LRP1B: variants seen among roughly 807,000 people sequenced by gnomAD.
LRP1B encodes the protein low-density lipoprotein receptor-related protein 1B.
Under a neutral mutation model 556.6 loss-of-function variants are expected in LRP1B, and 217 were observed. The observed-to-expected ratio is 0.39, with a 90% CI of 0.35 to 0.44. The LOEUF is 0.44. Ranked by LOEUF, LRP1B falls within the 20% of genes least tolerant of loss-of-function variation. The probability of loss-of-function intolerance (pLI) is 1.00; values close to 1 mark genes in which losing one functional copy is unlikely to be tolerated. For synonymous variants in LRP1B, 2,047 were observed against 1,865.8 expected, an observed-to-expected ratio of 1.10 and a Z score of -2.50; for missense variants, 5,053 against 5,620.8, an observed-to-expected ratio of 0.90 and a Z score of 3.23.
At chr2:141,069,176 C>A (rs966426602) in intron 7 of LRP1B, among the ~76,000 whole-genome samples, 20 of 152,002 alleles carry the variant, frequency 1.3e-4, no homozygotes, top group Non-Finnish European at 2.2e-4. Context: ...CCCCACTTCA[C>A]CCCAGTACTA....
chr2:141,395,670 A>G (rs1348122204), intron 3 of LRP1B, among the ~76,000 whole-genome samples: 3 of 152,136 alleles, frequency 2.0e-5, no homozygotes, highest in African/African-American at 7.2e-5. Context: ...TTAAAACCCA[A>G]TTACAAATTT....
At position 140,716,807 on chromosome 2, in the gene LRP1B, G is replaced by A. The variant is rs2105464678; in HGVS notation, c.5768C>T (p.Thr1923Ile). The change falls in exon 36 of 91, where the codon ACC (threonine) becomes ATC (isoleucine). Residue 1923 changes from threonine (T) to isoleucine (I), a missense_variant. Physicochemically the swap from Thr to Ile is moderately conservative, Grantham distance 89. Coordinates refer to ENST00000389484, the MANE Select transcript of LRP1B (RefSeq NM_018557.3). ...VGIDFHAEND[T>I]IYWTDMGFNK... ...GAAGCCCATGTCTGTCCAGTAGATG[G>A]TATCATTTTCTATGGATAAGACACA... The A allele has an allele frequency of 6.3e-7, 1 of 1,592,000 alleles. No homozygotes were observed. The highest frequency in any genetic ancestry group is 8.6e-7 in the Non-Finnish European group (1 of 1,165,844).
chr2:141,176,388 G>A (rs1010138550), intron 7 of LRP1B, among the ~76,000 whole-genome samples: 1 of 151,970 alleles, frequency 6.6e-6, no homozygotes, highest in Non-Finnish European at 1.5e-5. Context: ...CCCCTTTTCT[G>A]TTCTCATGAT....
chr2:141,694,646 CAAA>C (rs202244154), intron 2 of LRP1B, among the ~76,000 whole-genome samples: 1 of 129,744 alleles, frequency 7.7e-6, no homozygotes, highest in African/African-American at 2.8e-5. Context: ...TCGATTGTTT[CAAA>C]AAAAAAAAAA....
At chr2:140,866,767 G>C (rs766195102) in intron 27 of LRP1B, among the ~76,000 whole-genome samples, 1 of 151,996 alleles carries the variant, frequency 6.6e-6, no homozygotes, top group Non-Finnish European at 1.5e-5. Context: ...AGAGGTAATT[G>C]GTTTTAGTCA....
At chr2:140,772,244 TTC>T (rs146941487) in intron 33 of LRP1B, among the ~76,000 whole-genome samples, 3,570 of 151,790 alleles carry the variant, frequency 0.024, 77 homozygotes, top group South Asian at 0.099. Flanking sequence ...GAAATTTTGT[TTC>T]TCTCATTTAT....
At chr2:142,125,422 C>T (rs1265585148) in intron 1 of LRP1B, among the ~76,000 whole-genome samples, 2 of 151,722 alleles carry the variant, frequency 1.3e-5, no homozygotes, top group African/African-American at 4.8e-5. Flanking sequence ...AAGTATAATA[C>T]TTTTCAAAAT....
intron 25 of LRP1B, 96 bp from the exon 26 acceptor site, chr2:140,868,359 A>C (rs1057161483): frequency 8.7e-7 from 1 of 1,148,666 alleles, no homozygotes; most frequent in Middle Eastern, 2.9e-4. Flanking sequence ...GGCACTGGAT[A>C]GGTGATAAGT....
chr2:140,588,446 TA>T (rs1682076058), intron 43 of LRP1B, among the ~76,000 whole-genome samples: 1 of 152,176 alleles, frequency 6.6e-6, no homozygotes, highest in Non-Finnish European at 1.5e-5. Context: ...GACGACACTA[TA>T]GATATATGAA....
rs141725726 is a variant in LRP1B, at chr2:140,494,955, T to C, written c.9034+610A>G. The stretch of plus-strand genomic sequence containing the variant: ...GCCCATTTAACAGTCATCATCATAT[T>C]ATTGCTTTGTATCATTTTAATATCT... On this transcript the variant is annotated intron_variant, in intron 56 of 90. Transcript: ENST00000389484. 9.3e-3 allele frequency among the ~76,000 whole-genome samples: 1,423 copies of C among 152,274 alleles called. 88 individuals carry two copies. Among genetic ancestry groups the C allele is most frequent in the Admixed American group, 0.082 (1,245 of 15,276 alleles).
chr2:140,867,954 T>C, intron 26 of LRP1B, 120 bp from the exon 27 acceptor site: 2 of 1,299,098 alleles, frequency 1.5e-6, no homozygotes, highest in Non-Finnish European at 2.1e-6. Context: ...TATGGGTCTG[T>C]ATCTGATTTG....
rs190597163 is a variant in LRP1B at position 140,925,204 on chromosome 2, C to T, written c.3137-2057G>A. ...TCTTCAGGGTCCTGAAACCAATCCC[C>T]AGTGTATATGGAGGAATGACTGTAT... On this transcript the variant is annotated intron_variant, in intron 20 of 90. Coordinates refer to ENST00000389484, the MANE Select transcript of LRP1B (RefSeq NM_018557.3). Among the ~76,000 whole-genome samples, 41 of 152,166 alleles carry T rather than the reference C, an allele frequency of 2.7e-4. No individual in the cohort carries two copies. In the East Asian group the frequency reaches 4.1e-3, roughly 15 times the overall value.
chr2:140,823,141 G>A (rs970106690), intron 31 of LRP1B, among the ~76,000 whole-genome samples: 5 of 152,052 alleles, frequency 3.3e-5, no homozygotes, highest in South Asian at 4.1e-4. Context: ...ACTATAAAGG[G>A]TGTTAAGTAG....
At chr2:141,627,267 C>A (rs936252569) in intron 2 of LRP1B, among the ~76,000 whole-genome samples, 2 of 152,180 alleles carry the variant, frequency 1.3e-5, no homozygotes, top group African/African-American at 4.8e-5. Flanking sequence ...GTAAAAAGAT[C>A]ATTGGTTTCC....
intron 2 of LRP1B, among the ~76,000 whole-genome samples, chr2:141,636,297 A>G (rs755201218): frequency 1.3e-5 from 2 of 152,210 alleles, no homozygotes; most frequent in East Asian, 1.9e-4. Context: ...AAACAAGTCA[A>G]CAAAAAAAGC....
At chr2:140,582,519 T>A (rs1231128596) in intron 43 of LRP1B, among the ~76,000 whole-genome samples, 2 of 152,196 alleles carry the variant, frequency 1.3e-5, no homozygotes, top group African/African-American at 4.8e-5. Flanking sequence ...TTTTAGGAGC[T>A]GATAAAACCG....
intron 84 of LRP1B, among the ~76,000 whole-genome samples, chr2:140,275,194 G>A (rs894140768): frequency 4.6e-5 from 7 of 151,980 alleles, no homozygotes; most frequent in African/African-American, 1.4e-4. Flanking sequence ...TTATGATTAG[G>A]TATAATTGAA....
At chr2:140,253,813 T>C (rs1681557272) in intron 86 of LRP1B, among the ~76,000 whole-genome samples, 1 of 152,148 alleles carries the variant, frequency 6.6e-6, no homozygotes, top group Non-Finnish European at 1.5e-5. Context: ...ATGGTGGATG[T>C]AATTGAAGAC....
chr2:141,540,694 A>G (rs752383072), intron 2 of LRP1B, among the ~76,000 whole-genome samples: 3 of 151,994 alleles, frequency 2.0e-5, no homozygotes, highest in Non-Finnish European at 4.4e-5. Flanking sequence ...AAAAAATGAG[A>G]CTAAACATTA....
Sources: allele counts gnomAD v4.1 joint callset (sites outside exome capture counted in the v4.1 genomes callset), GRCh38; gene constraint gnomAD v4.1.1; transcripts MANE v1.5; gene names NCBI Gene and HGNC (gene_info 2026-07-23, HGNC 2026-07-21).